The following DHX35 variants were observed in gnomAD, a reference collection of about 807,000 sequenced individuals.
The protein encoded by DHX35 is DEAH-box helicase 35.
Under a neutral mutation model 99.6 loss-of-function variants are expected in DHX35, and 84 were observed. The ratio of observed to expected loss-of-function variants is 0.84; its 90% CI spans 0.71 to 1.01. The LOEUF (loss-of-function observed/expected upper bound fraction) is 1.01, where lower values mean the gene tolerates loss of function less well. DHX35 is among the 50% of genes least tolerant of loss of function. The pLI, the probability that DHX35 is intolerant of heterozygous loss-of-function variation, is 0.00. For missense variants in DHX35, 852 were observed against 888.5 expected, an observed-to-expected ratio of 0.96 and a Z score of 0.52; for synonymous variants, 331 against 316.2, an observed-to-expected ratio of 1.05 and a Z score of -0.50.
intron 7 of DHX35, 63 bp downstream of exon 7, chr20:38,992,488 A>G: frequency 1.3e-6 from 2 of 1,487,602 alleles, no homozygotes; most frequent in Non-Finnish European, 1.9e-6. Flanking sequence ...TACAAAAGCA[A>G]CTGTAGCAAC....
At chr20:38,992,681 A>C (rs1404901171) in intron 7 of DHX35, among the ~76,000 whole-genome samples, 1 of 152,070 alleles carries the variant, frequency 6.6e-6, no homozygotes, top group Non-Finnish European at 1.5e-5. Flanking sequence ...TGATTGAATT[A>C]TATATACTAA....
In DHX35 at chr20:39,039,620, G is replaced by A. The variant is rs11552859; in HGVS notation, c.*1077G>A. The stretch of plus-strand genomic sequence containing the variant: ...GGATGTGCCACTTTTGGCACCAAAC[G>A]TGTATGTCATTTTTATTTCCATTTT... On this transcript the variant is annotated 3_prime_UTR_variant, in exon 22 of 22. Coordinates refer to ENST00000252011, the MANE Select transcript of DHX35 (RefSeq NM_021931.4). The A allele has an allele frequency of 2.6e-5, 4 of 152,250 alleles. No homozygotes were observed. The highest frequency in any genetic ancestry group is 1.9e-4 in the East Asian group (1 of 5,186). The allele number at this position is 152,250 out of a possible 1,614,324, so 9.4% of individuals were successfully genotyped here.
At chr20:39,035,737 A>G (rs2087140694) in intron 21 of DHX35, among the ~76,000 whole-genome samples, 2 of 152,100 alleles carry the variant, frequency 1.3e-5, no homozygotes, top group African/African-American at 2.4e-5. Flanking sequence ...TGCCTGCTGC[A>G]CTCTTGGAGA....
chr20:39,004,460 A>G (rs2086580589), intron 11 of DHX35, among the ~76,000 whole-genome samples: 1 of 152,114 alleles, frequency 6.6e-6, no homozygotes, highest in Non-Finnish European at 1.5e-5. Context: ...TGCCTTCCTA[A>G]TATTTCCCAC....
rs192034597 is a variant in DHX35, at chr20:38,993,645, G to A, written c.583-1176G>A. Among the ~76,000 whole-genome samples, 10 of 151,004 alleles carry A rather than the reference G, an allele frequency of 6.6e-5. No homozygotes were observed. In the East Asian group the frequency reaches 1.8e-3, roughly 27 times the overall value. ...CTCCCAAAGTGTTGGGATTACAGGC[G>A]TGAGCCACTGTGCCCGGCCACATTG... On this transcript the variant is annotated intron_variant, in intron 7 of 21. Coordinates refer to ENST00000252011, the MANE Select transcript of DHX35 (RefSeq NM_021931.4).
At chr20:38,962,612 A>G (rs2085850215) in intron 1 of DHX35, 2 of 599,840 alleles carry the variant, frequency 3.3e-6, no homozygotes, top group Non-Finnish European at 5.8e-6. Flanking sequence ...GTGAGCAGAA[A>G]CTCTTTGTGA....
rs576043625 is a variant in DHX35 at position 39,011,303 on chromosome 20, A to G, written c.1347+899A>G. Among the ~76,000 whole-genome samples the G allele has an allele frequency of 6.7e-5, 10 of 150,130 alleles. No homozygotes were observed. The South Asian group carries it at 1.1e-3, about 16-fold the overall frequency. Reference sequence around the variant, plus strand: ...ATTCTAAACATATTCACAGTAATCTATTTTTGCCTTTATGATTTCTTTGGC... The same window carrying G: ...ATTCTAAACATATTCACAGTAATCTGTTTTTGCCTTTATGATTTCTTTGGC... On this transcript the variant is annotated intron_variant, in intron 13 of 21. Coordinates refer to ENST00000252011, the MANE Select transcript of DHX35 (RefSeq NM_021931.4).
intron 3 of DHX35, chr20:38,977,606 T>G: frequency 3.3e-6 from 1 of 306,938 alleles, no homozygotes; most frequent in Non-Finnish European, 6.2e-6. Flanking sequence ...AAACAGGCAT[T>G]TTGGACAACG....
Position 38,966,980 on chromosome 20 carries a change from A to C in DHX35, c.41-2101A>C, listed in dbSNP as rs574590012. ...TCCATCTTTTGTCTTGTTGAAAGGA[A>C]GGTCAACATTTTGGCAAAAGCAACA... On this transcript the variant is annotated intron_variant, in intron 1 of 21. Coordinates refer to ENST00000252011, the MANE Select transcript of DHX35 (RefSeq NM_021931.4). Among the ~76,000 whole-genome samples, 10 of 152,292 alleles carry C rather than the reference A, an allele frequency of 6.6e-5. No individual in the cohort carries two copies. The South Asian group carries it at 2.1e-3, about 32-fold the overall frequency.
chr20:39,036,916 G>A (rs2087162677), intron 21 of DHX35, among the ~76,000 whole-genome samples: 1 of 152,130 alleles, frequency 6.6e-6, no homozygotes, highest in African/African-American at 2.4e-5. Flanking sequence ...GGTTGCCCAT[G>A]TATGGTAGAT....
intron 8 of DHX35, among the ~76,000 whole-genome samples, chr20:38,996,974 A>G (rs1166492951): frequency 6.7e-6 from 1 of 148,822 alleles, no homozygotes; most frequent in Non-Finnish European, 1.5e-5. Flanking sequence ...AAAAATTATT[A>G]AATTAAGTTA....
At chr20:39,030,630 T>A in intron 19 of DHX35, 74 bp from the exon 20 acceptor site, 1 of 1,406,234 alleles carries the variant, frequency 7.1e-7, no homozygotes, top group Non-Finnish European at 1.0e-6. Context: ...TTGGTAATAT[T>A]AAAAATATCT....
chr20:39,001,345 A>T (rs2085810879), intron 8 of DHX35, among the ~76,000 whole-genome samples: 1 of 152,186 alleles, frequency 6.6e-6, no homozygotes, highest in Admixed American at 6.5e-5. Context: ...GTTACCCACC[A>T]ACCTCATCTA....
chr20:38,982,923 A>AC (rs1365046415), intron 3 of DHX35, among the ~76,000 whole-genome samples: 389 of 151,190 alleles, frequency 2.6e-3, no homozygotes, highest in African/African-American at 9.2e-3. Flanking sequence ...ACACTTAATC[A>AC]AATTTTTTTT....
chr20:39,006,361 G>A lies in DHX35; in HGVS notation c.1222+5G>A, dbSNP rs764194155. The A allele has an allele frequency of 1.2e-6, 2 of 1,612,922 alleles. No homozygotes were observed. Among genetic ancestry groups the A allele is most frequent in the African/African-American group, 1.3e-5 (1 of 74,902 alleles). On this transcript the variant is annotated splice_donor_5th_base_variant and intron_variant, in intron 12 of 21. Transcript: ENST00000252011. ...AATGTTATCGCCTTTATACAGGTTA[G>A]TGTGGCTTTCCCTAAGGGTTTTTGA...
In DHX35 at chr20:38,962,681, C is replaced by T. The variant is rs566890776; in HGVS notation, c.40+274C>T. The T allele has an allele frequency of 4.4e-4, 207 of 471,782 alleles. 1 individual carries two copies. Among genetic ancestry groups the T allele is most frequent in the African/African-American group, 2.6e-3 (127 of 49,182 alleles). The allele number at this position is 471,782 out of a possible 1,614,324, so 29.2% of individuals were successfully genotyped here. The stretch of plus-strand genomic sequence containing the variant: ...GTCTTCCTCGTTACTGATGCTTGTC[C>T]TGCCCACCCCGCGAGATGGGGAATC... On this transcript the variant is annotated intron_variant, in intron 1 of 21. Coordinates refer to ENST00000252011, the MANE Select transcript of DHX35 (RefSeq NM_021931.4).
intron 12 of DHX35, among the ~76,000 whole-genome samples, chr20:39,008,899 C>T (rs924059942): frequency 1.3e-5 from 2 of 152,158 alleles, no homozygotes; most frequent in Admixed American, 6.5e-5. Flanking sequence ...ACCCTGCTTC[C>T]TCCTTCCCTG....
At chr20:39,017,873 G>C (rs2145924912) in intron 14 of DHX35, among the ~76,000 whole-genome samples, 1 of 152,284 alleles carries the variant, frequency 6.6e-6, no homozygotes, top group South Asian at 2.1e-4. Flanking sequence ...GTTGCTCATT[G>C]TTGTTCTCAT....
At chr20:38,978,460 A>G in intron 3 of DHX35, 1 of 543,316 alleles carries the variant, frequency 1.8e-6, no homozygotes, top group South Asian at 1.9e-5. Context: ...GAGAAGGCGG[A>G]TGGAGATAAA....
Sources: gnomAD v4.1 joint callset for allele counts (sites outside exome capture counted in the v4.1 genomes callset) on GRCh38, gnomAD v4.1.1 for gene constraint, MANE v1.5 for transcripts, NCBI Gene and HGNC (gene_info 2026-07-23, HGNC 2026-07-21) for gene names.